DHRS12: variants seen among roughly 807,000 people sequenced by gnomAD.
The protein encoded by DHRS12 is dehydrogenase/reductase 12, also known as dehydrogenase/reductase SDR family member 12.
A neutral mutation model predicts 32.1 loss-of-function variants in DHRS12; 29 were observed. The observed-to-expected ratio is 0.90, with a 90% CI of 0.67 to 1.23. The LOEUF is 1.23. DHRS12 is among the 50% of genes most tolerant of loss of function. DHRS12 has a pLI of 0.00. For missense variants in DHRS12, 330 were observed against 337.2 expected (o/e 0.98, Z 0.17); for synonymous variants, 150 against 135.9 (o/e 1.10, Z -0.72).
At chr13:51,774,102 G>A in intron 5 of DHRS12, 68 bp from the exon 6 acceptor site, 1 of 1,449,088 alleles carries the variant, frequency 6.9e-7, no homozygotes, top group Non-Finnish European at 9.6e-7. Flanking sequence ...ACCCCCTGTA[G>A]AGCAGTGCTT....
chr13:51,787,930 C>A (rs1346813024), intron 4 of DHRS12, among the ~76,000 whole-genome samples: 1,440 of 18,986 alleles, frequency 0.076, 39 homozygotes, highest in Non-Finnish European at 0.096. Context: ...ATAATATATA[C>A]TTATATATAT....
chr13:51,799,621 C>A lies in DHRS12; in HGVS notation c.39G>T (p.Trp13Cys). 2 of 1,614,186 alleles carry A rather than the reference C, an allele frequency of 1.2e-6. No homozygotes were observed. The highest frequency in any genetic ancestry group is 8.5e-7 in the Non-Finnish European group (1 of 1,180,036). ...AAGACTCTTCCAGGAATCTGGACCT[C>A]CAAGTCATGAGGGACAAAGTCTTTA... ...LHVKTLSLMT[W>C]RSRFLEESFW... The change falls in exon 2 of 9, where the codon TGG becomes TGT. Residue 13 changes from tryptophan (W) to cysteine (C), a missense_variant. Coordinates refer to ENST00000444610, the MANE Select transcript of DHRS12 (RefSeq NM_001377533.1).
chr13:51,763,824 G>A (rs1463417945), downstream of DHRS12: 2 of 152,136 alleles, frequency 1.3e-5, no homozygotes, highest in Non-Finnish European at 2.9e-5. Context: ...ATTTATTTTT[G>A]CCTGATATTA....
the DHRS12 span, chr13:51,755,268 C>G: frequency 2.5e-6 from 3 of 1,220,290 alleles, no homozygotes; most frequent in Non-Finnish European, 3.6e-6. Context: ...TAAACACATC[C>G]TGATAGCTCC....
downstream of DHRS12, chr13:51,764,182 AGCG>A (rs1225920474): frequency 6.6e-6 from 1 of 152,180 alleles, no homozygotes; most frequent in Non-Finnish European, 1.5e-5. Flanking sequence ...AACCGTGTTG[AGCG>A]CTCACCAGCC....
At chr13:51,789,097 T>A (rs566866562) in intron 4 of DHRS12, among the ~76,000 whole-genome samples, 53 of 152,322 alleles carry the variant, frequency 3.5e-4, no homozygotes, top group African/African-American at 1.3e-3. Context: ...TTCCAACTGT[T>A]ATTCCATCGG....
At chr13:51,784,793 C>T (rs1379332275) in intron 4 of DHRS12, among the ~76,000 whole-genome samples, 2 of 152,362 alleles carry the variant, frequency 1.3e-5, no homozygotes, top group Non-Finnish European at 1.5e-5. Context: ...AAACTCCCTT[C>T]ATGGATGAAA....
At chr13:51,802,596 A>T (rs1368056385) in intron 1 of DHRS12, among the ~76,000 whole-genome samples, 2 of 152,258 alleles carry the variant, frequency 1.3e-5, no homozygotes, top group East Asian at 1.9e-4. Flanking sequence ...TATTAGGTTC[A>T]GCAAAGTTTA....
At position 51,791,265 on chromosome 13, in the gene DHRS12, A is replaced by G; in HGVS notation, c.127-8T>C. 7.1e-7 allele frequency: 1 copy of G among 1,409,350 alleles called. No homozygotes were observed. 87.3% of individuals were successfully genotyped at this position (1,409,350 alleles called of 1,614,324 possible). A position where few individuals can be genotyped will look rare whatever the true frequency, so the allele number is the denominator to read the frequency against. Reference sequence around the variant, plus strand: ...AATGTGCAGAAAAATGTTCTAAATTAGAAAGCAAAAAAAAAAAAAACCCTT... The same window carrying G: ...AATGTGCAGAAAAATGTTCTAAATTGGAAAGCAAAAAAAAAAAAAACCCTT... On this transcript the variant is annotated splice_region_variant and splice_polypyrimidine_tract_variant and intron_variant, in intron 2 of 8. Transcript: ENST00000444610.
At position 51,782,398 on chromosome 13, in the gene DHRS12, C is replaced by T. The variant is rs530950574; in HGVS notation, c.302-5277G>A. On this transcript the variant is annotated intron_variant, in intron 4 of 8. Transcript: ENST00000444610. This position sits in a 1 kb window ranked among gnomAD's most constrained non-coding sequence, Gnocchi z 4.2. ...AGGAGGTTGAGAAGGAGCCAACCTC[C>T]GAGGGTGGAATCACAGGTGGCTTGG... Among the ~76,000 whole-genome samples, 2 of 152,228 alleles carry T rather than the reference C, an allele frequency of 1.3e-5. No individual in the cohort carries two copies. The highest frequency in any genetic ancestry group is 4.8e-5 in the African/African-American group (2 of 41,544).
chr13:51,796,666 C>T (rs993873816), intron 2 of DHRS12, among the ~76,000 whole-genome samples: 3 of 152,172 alleles, frequency 2.0e-5, no homozygotes, highest in African/African-American at 7.2e-5. Flanking sequence ...TCCTCCTGTC[C>T]GTGGCCTGAG....
At chr13:51,785,290 A>C (rs1054040271) in intron 4 of DHRS12, among the ~76,000 whole-genome samples, 1 of 152,196 alleles carries the variant, frequency 6.6e-6, no homozygotes, top group Non-Finnish European at 1.5e-5. Context: ...ATTTTGATTA[A>C]TAAATAGTTA....
chr13:51,758,385 C>G, the DHRS12 span: 2 of 1,014,212 alleles, frequency 2.0e-6, no homozygotes, highest in Admixed American at 3.9e-5. Flanking sequence ...AGGCACTGTT[C>G]TAAAGGTTAT....
chr13:51,756,517 G>T, the DHRS12 span: 1 of 1,566,520 alleles, frequency 6.4e-7, no homozygotes, highest in Non-Finnish European at 8.7e-7. Flanking sequence ...TTTAATCTGA[G>T]CCTTGCACTC....
intron 4 of DHRS12, among the ~76,000 whole-genome samples, chr13:51,787,062 G>A (rs1470978125): frequency 1.1e-4 from 17 of 152,098 alleles, no homozygotes; most frequent in Admixed American, 1.1e-3. Flanking sequence ...CCTCTGTGCT[G>A]GCATGCCTCT....
the DHRS12 span, chr13:51,759,694 T>C: frequency 6.2e-7 from 1 of 1,607,020 alleles, no homozygotes; most frequent in African/African-American, 1.3e-5. Flanking sequence ...ACTGTTATCC[T>C]CAACACAATT....
rs776887240 is a variant in DHRS12, at chr13:51,769,185, G to A, written c.668C>T (p.Ala223Val). The change falls in exon 8 of 9, where the codon GCC (alanine) becomes GTC (valine). Residue 223 changes from alanine to valine, a missense_variant. By Grantham distance (64) the Ala-to-Val change is moderately conservative. Transcript: ENST00000444610. ...MLWLALSSAA[A>V]AQPSGRFFQD... ...AAAGAAGCGGCCGCTGGGCTGTGCG[G>A]CTGCGGCAGAGGAGAGGGCCAGCCA... 4 of 1,555,612 alleles carry A rather than the reference G, an allele frequency of 2.6e-6. No homozygotes were observed. In the East Asian group the frequency reaches 9.6e-5, roughly 37 times the overall value.
chr13:51,771,587 C>CCA, intron 7 of DHRS12: 1 of 1,547,102 alleles, frequency 6.5e-7, no homozygotes, highest in Non-Finnish European at 8.7e-7. Context: ...GCTCCCGTTC[C>CCA]CACCATCTCC....
downstream of DHRS12, chr13:51,766,065 T>A (rs1287731869): frequency 5.9e-5 from 9 of 152,248 alleles, no homozygotes; most frequent in African/African-American, 2.2e-4. Context: ...ATACACTTTT[T>A]ATCATTTTAG....
Sources: gnomAD v4.1 joint callset for allele counts (sites outside exome capture counted in the v4.1 genomes callset) on GRCh38, gnomAD v4.1.1 for gene constraint, Gnocchi (gnomAD v3.1) non-coding constraint, MANE v1.5 for transcripts, NCBI Gene and HGNC (gene_info 2026-07-23, HGNC 2026-07-21) for gene names.